Variants in ACTL8 observed in about 807,000 individuals in gnomAD.
ACTL8 encodes the protein actin like 8.
Under a neutral mutation model 9.3 loss-of-function variants are expected in ACTL8, and 3 were observed. The observed-to-expected ratio is 0.32, with a 90% CI of 0.15 to 0.83. ACTL8 has a LOEUF of 0.83. ACTL8 is among the 40% of genes least tolerant of loss of function. The probability of loss-of-function intolerance (pLI) is 0.57; values close to 1 mark genes in which losing one functional copy is unlikely to be tolerated. For synonymous variants in ACTL8, 224 were observed against 205.9 expected (o/e 1.09, Z -0.75); for missense variants, 381 against 492.2 (o/e 0.77, Z 2.14).
chr1:17,822,299 C>T (rs1263636025), intron 1 of ACTL8, among the ~76,000 whole-genome samples: 1 of 152,198 alleles, frequency 6.6e-6, no homozygotes, highest in Admixed American at 6.5e-5. Flanking sequence ...CGTCACCTGC[C>T]TTATACATCG....
In ACTL8 at chr1:17,774,636, A is replaced by G. The variant is rs373259692; in HGVS notation, c.-25+19132A>G. On this transcript the variant is annotated intron_variant, in intron 1 of 2. Coordinates refer to ENST00000375406, the MANE Select transcript of ACTL8 (RefSeq NM_030812.3). ...CAGGTGCAAAGGTCCTGGGGTAGGC[A>G]TGTGCCTGGAGTGTTTGAAGAGCAG... is the stretch of plus-strand genomic sequence containing the variant. Among the ~76,000 whole-genome samples, 675 of 152,168 alleles carry G rather than the reference A, an allele frequency of 4.4e-3. 8 individuals are homozygous for G. Among genetic ancestry groups the G allele is most frequent in the African/African-American group, 0.015 (618 of 41,510 alleles).
At chr1:17,822,909 C>G in intron 1 of ACTL8, 76 bp from the exon 2 acceptor site, 1 of 984,188 alleles carries the variant, frequency 1.0e-6, no homozygotes, top group Non-Finnish European at 1.5e-6. Context: ...TGAGGTTTGA[C>G]TGTTGGGTAG....
At chr1:17,793,041 C>G (rs761049496) in intron 1 of ACTL8, among the ~76,000 whole-genome samples, 15 of 152,330 alleles carry the variant, frequency 9.8e-5, no homozygotes, top group Middle Eastern at 3.4e-3. Context: ...TGGTCCCCTC[C>G]CATCCACCCT....
chr1:17,774,883 TC>T (rs2066108500), intron 1 of ACTL8, among the ~76,000 whole-genome samples: 1 of 152,126 alleles, frequency 6.6e-6, no homozygotes, highest in South Asian at 2.1e-4. Flanking sequence ...GAGATGATGC[TC>T]CTCTCTCAGC....
chr1:17,783,882 G>C (rs1463837547), intron 1 of ACTL8, among the ~76,000 whole-genome samples: 3 of 152,200 alleles, frequency 2.0e-5, no homozygotes, highest in Non-Finnish European at 2.9e-5. Flanking sequence ...TAGTAGCTTG[G>C]AGCTTAAGAG....
At chr1:17,774,128 A>T (rs745846495) in intron 1 of ACTL8, among the ~76,000 whole-genome samples, 4 of 152,210 alleles carry the variant, frequency 2.6e-5, no homozygotes, top group Non-Finnish European at 4.4e-5. Context: ...GCAGAGTCGG[A>T]ACTAAAGCCT....
At chr1:17,814,435 C>A (rs1372554670) in intron 1 of ACTL8, among the ~76,000 whole-genome samples, 1 of 152,110 alleles carries the variant, frequency 6.6e-6, no homozygotes, top group Non-Finnish European at 1.5e-5. Context: ...TCTATATCTA[C>A]CAACAAAACA....
Position 17,823,447 on chromosome 1 carries a change from TA to T in ACTL8, c.348+93del. On this transcript the variant is annotated intron_variant, in intron 2 of 2. Transcript: ENST00000375406. This position sits in a 1 kb window ranked among gnomAD's most constrained non-coding sequence, Gnocchi z 5.3. The stretch of plus-strand genomic sequence containing the variant: ...ATTGGGCACCAGGAATTCTGCTTTT[TA>T]AGATAAATTGCCAACCAGGTGTGGT... The T allele has an allele frequency of 2.3e-6, 3 of 1,297,432 alleles. No individual in the cohort carries two copies. Among genetic ancestry groups the T allele is most frequent in the Non-Finnish European group, 3.1e-6 (3 of 956,680 alleles). 80.4% of individuals were successfully genotyped at this position (1,297,432 alleles called of 1,614,324 possible).
chr1:17,812,645 G>A (rs2124184478), intron 1 of ACTL8, among the ~76,000 whole-genome samples: 1 of 139,496 alleles, frequency 7.2e-6, no homozygotes, highest in East Asian at 2.1e-4. Context: ...TCACTGTGTT[G>A]CCCAGGCTGG....
chr1:17,809,559 C>T (rs1245817104), intron 1 of ACTL8, among the ~76,000 whole-genome samples: 1 of 152,130 alleles, frequency 6.6e-6, no homozygotes, highest in Non-Finnish European at 1.5e-5. Flanking sequence ...CAGCCACTCC[C>T]CATTGCTCAC....
chr1:17,811,540 T>C (rs79099203), intron 1 of ACTL8, among the ~76,000 whole-genome samples: 3,527 of 152,294 alleles, frequency 0.023, 129 homozygotes, highest in African/African-American at 0.078. Flanking sequence ...AGATCTAAGG[T>C]CACACAGATG....
At chr1:17,810,100 T>A (rs1326032756) in intron 1 of ACTL8, among the ~76,000 whole-genome samples, 1 of 152,126 alleles carries the variant, frequency 6.6e-6, no homozygotes, top group Non-Finnish European at 1.5e-5. Flanking sequence ...GGGGCCCCAA[T>A]TCTCTGCACA....
chr1:17,826,026 C>G lies in ACTL8; in HGVS notation c.608C>G (p.Thr203Arg), dbSNP rs745494633. Residue 203 changes from threonine to arginine, a missense_variant, in exon 3 of 3, where the codon ACA (threonine) becomes AGA (arginine). Coordinates refer to ENST00000375406, the MANE Select transcript of ACTL8 (RefSeq NM_030812.3). The surrounding 1 kb of genome is among the most constrained non-coding windows in gnomAD (Gnocchi z 4.5). The stretch of plus-strand genomic sequence containing the variant: ...AGACGCTGCCTGTTTCAGCTGGAGA[C>G]AGTCGCCGTGACTCAGATGAACAAG... ...CDRRCLFQLETVAVTQMNKCY... is the reference protein window; with the variant it reads ...CDRRCLFQLERVAVTQMNKCY... 13 of 1,606,706 alleles carry G rather than the reference C, an allele frequency of 8.1e-6. No individual in the cohort carries two copies. The Admixed American group carries it at 1.8e-4, about 23-fold the overall frequency.
chr1:17,771,281 A>G (rs1254554466), intron 1 of ACTL8, among the ~76,000 whole-genome samples: 1 of 152,216 alleles, frequency 6.6e-6, no homozygotes, highest in Non-Finnish European at 1.5e-5. Flanking sequence ...ATGTGTCACA[A>G]AATAGTCTTC....
At chr1:17,814,704 G>T (rs2066414697) in intron 1 of ACTL8, among the ~76,000 whole-genome samples, 1 of 151,870 alleles carries the variant, frequency 6.6e-6, no homozygotes, top group South Asian at 2.1e-4. Context: ...AGAATAACAC[G>T]CAGTACCAGT....
At chr1:17,788,222 A>C (rs1173910846) in intron 1 of ACTL8, among the ~76,000 whole-genome samples, 3 of 152,198 alleles carry the variant, frequency 2.0e-5, no homozygotes, top group African/African-American at 7.2e-5. Context: ...TTTGCTATGT[A>C]GAAGTTCTTA....
chr1:17,792,049 C>T (rs1400674859), intron 1 of ACTL8, among the ~76,000 whole-genome samples: 1 of 152,190 alleles, frequency 6.6e-6, no homozygotes, highest in Non-Finnish European at 1.5e-5. Context: ...GGAGCCAGGG[C>T]CTCTTAACCC....
chr1:17,810,519 CA>C lies in ACTL8; in HGVS notation c.-24-12461del, dbSNP rs2066386811. 2.6e-5 allele frequency among the ~76,000 whole-genome samples: 4 copies of C among 152,180 alleles called. 1 individual carries two copies. In the South Asian group the frequency reaches 8.3e-4, roughly 31 times the overall value. On this transcript the variant is annotated intron_variant, in intron 1 of 2. Coordinates refer to ENST00000375406, the MANE Select transcript of ACTL8 (RefSeq NM_030812.3). ...ACCATCTGTCCCCAAAATGTTCTTT[CA>C]AAAATTTCACCTTAAAATGTCATGT...
intron 1 of ACTL8, among the ~76,000 whole-genome samples, chr1:17,810,265 A>G (rs2066384996): frequency 6.6e-6 from 1 of 152,154 alleles, no homozygotes; most frequent in African/African-American, 2.4e-5. Flanking sequence ...AATATCCATC[A>G]TATATATTCA....
Sources: gnomAD v4.1 joint callset for allele counts (sites outside exome capture counted in the v4.1 genomes callset) on GRCh38, gnomAD v4.1.1 for gene constraint, Gnocchi (gnomAD v3.1) non-coding constraint, MANE v1.5 for transcripts, NCBI Gene and HGNC (gene_info 2026-07-23, HGNC 2026-07-21) for gene names.